DLGAP3: variants seen among roughly 807,000 people sequenced by gnomAD.
DLGAP3 encodes DLG associated protein 3, also known as disks large-associated protein 3.
Under a neutral mutation model 81.2 loss-of-function variants are expected in DLGAP3, and 17 were observed. That is an observed-to-expected ratio of 0.21 (90% CI 0.14 to 0.31). The LOEUF (loss-of-function observed/expected upper bound fraction) is 0.31. Among genes scored for constraint, DLGAP3 ranks in the 10% least tolerant of loss-of-function variants. The pLI is 1.00. For synonymous variants in DLGAP3, 577 were observed against 587.4 expected (o/e 0.98, Z 0.26); for missense variants, 1,124 against 1,388.0 (o/e 0.81, Z 3.02).
intron 5 of DLGAP3, among the ~76,000 whole-genome samples, chr1:34,893,889 C>G (rs1468143618): frequency 6.6e-6 from 1 of 152,096 alleles, no homozygotes; most frequent in Non-Finnish European, 1.5e-5. Flanking sequence ...CATCAATAAC[C>G]ACATTAAGAT....
chr1:34,866,716 G>T (rs1638886319), intron 11 of DLGAP3, among the ~76,000 whole-genome samples: 1 of 152,040 alleles, frequency 6.6e-6, no homozygotes, highest in Non-Finnish European at 1.5e-5. Context: ...CGATGCCTAG[G>T]CCCGAACTGA....
chr1:34,908,462 AG>A (rs1438903758), intron 1 of DLGAP3, among the ~76,000 whole-genome samples: 7 of 152,174 alleles, frequency 4.6e-5, no homozygotes, highest in Non-Finnish European at 1.0e-4. Context: ...GGGAATTCTA[AG>A]GGGTAGGCTC....
chr1:34,908,067 C>T (rs948440220), intron 1 of DLGAP3, among the ~76,000 whole-genome samples: 5 of 152,238 alleles, frequency 3.3e-5, no homozygotes, highest in Non-Finnish European at 7.3e-5. Flanking sequence ...CCCATGAAAG[C>T]AGCTATCACA....
chr1:34,905,132 C>T lies in DLGAP3; in HGVS notation c.252G>A (p.Gly84=), dbSNP rs763114897. ...ACATCCTGGGGAAGGTGCTGCTACC[C>T]CCCCCAACCCCGGCCCCCGCTGGCC... is the stretch of plus-strand genomic sequence containing the variant. ...EGGPAGAGVG[G]GSSTFPRMYP... Residue 84 remains glycine, a synonymous_variant, in exon 3 of 12, where the codon GGG becomes GGA. Coordinates refer to ENST00000373347, the MANE Select transcript of DLGAP3 (RefSeq NM_001080418.3). 13 of 1,571,346 alleles carry T rather than the reference C, an allele frequency of 8.3e-6. No individual in the cohort carries two copies. In the South Asian group the frequency reaches 9.3e-5, roughly 11 times the overall value.
chr1:34,914,727 T>C (rs1239877270), intron 1 of DLGAP3, among the ~76,000 whole-genome samples: 1 of 152,198 alleles, frequency 6.6e-6, no homozygotes, highest in East Asian at 1.9e-4. Flanking sequence ...TATTGCTAAC[T>C]AGGGAGAAAC....
intron 8 of DLGAP3, among the ~76,000 whole-genome samples, chr1:34,877,692 T>C (rs1408975918): frequency 6.6e-6 from 1 of 152,204 alleles, no homozygotes; most frequent in Non-Finnish European, 1.5e-5. Flanking sequence ...AAGATTCTTG[T>C]TTTGTGCCTA....
At chr1:34,879,075 A>T (rs949793807) in intron 8 of DLGAP3, among the ~76,000 whole-genome samples, 3 of 151,956 alleles carry the variant, frequency 2.0e-5, no homozygotes, top group Non-Finnish European at 4.4e-5. Flanking sequence ...GCCTCAAAAA[A>T]AAAAAAGAAA....
chr1:34,922,203 T>G (rs1569670073), intron 1 of DLGAP3, among the ~76,000 whole-genome samples: 1 of 152,208 alleles, frequency 6.6e-6, no homozygotes, highest in Admixed American at 6.5e-5. Context: ...CTTATAGGTT[T>G]TCCCTCCACA....
At chr1:34,924,519 T>C (rs540873596) in intron 1 of DLGAP3, among the ~76,000 whole-genome samples, 1 of 152,278 alleles carries the variant, frequency 6.6e-6, no homozygotes, top group Non-Finnish European at 1.5e-5. Context: ...AAGTTGTCAG[T>C]CAAGTTATCC....
At chr1:34,875,602 C>T (rs1157053426) in intron 8 of DLGAP3, among the ~76,000 whole-genome samples, 2 of 152,172 alleles carry the variant, frequency 1.3e-5, no homozygotes, top group Non-Finnish European at 2.9e-5. Flanking sequence ...AGGCAGATCC[C>T]TATGGTTAGA....
intron 11 of DLGAP3, among the ~76,000 whole-genome samples, chr1:34,866,796 C>T (rs1264570121): frequency 1.3e-5 from 2 of 152,222 alleles, no homozygotes; most frequent in Non-Finnish European, 2.9e-5. Context: ...CCCCCCAACC[C>T]CGCTCCCCCG....
intron 3 of DLGAP3, among the ~76,000 whole-genome samples, chr1:34,901,221 C>G (rs1427906490): frequency 6.6e-6 from 1 of 151,800 alleles, no homozygotes; most frequent in African/African-American, 2.4e-5. Flanking sequence ...AATGAGACAG[C>G]CCAGGGGAGA....
intron 5 of DLGAP3, among the ~76,000 whole-genome samples, chr1:34,897,975 A>G (rs1639402659): frequency 6.6e-6 from 1 of 152,182 alleles, no homozygotes; most frequent in Non-Finnish European, 1.5e-5. Flanking sequence ...CAGAGGATAG[A>G]GCAGCAACTG....
Position 34,868,514 on chromosome 1 carries a change from C to A in DLGAP3, c.2485+91G>T. 1 of 1,115,442 alleles carries A rather than the reference C, an allele frequency of 9.0e-7. No homozygotes were observed. The highest frequency in any genetic ancestry group is 1.4e-6 in the Non-Finnish European group (1 of 739,812). The allele number at this position is 1,115,442 out of a possible 1,614,324, so 69.1% of individuals were successfully genotyped here. On this transcript the variant is annotated intron_variant, in intron 9 of 11. Transcript: ENST00000373347. The surrounding 1 kb of genome is among the most constrained non-coding windows in gnomAD (Gnocchi z 7.5). ...CACCAACCGAAGGGGCCTCCTGTTACACTGCAGCCCCAGCCACCCCCATCA... is the reference window on the plus strand; with the variant it reads ...CACCAACCGAAGGGGCCTCCTGTTAAACTGCAGCCCCAGCCACCCCCATCA...
chr1:34,872,293 G>A (rs1287226831), intron 8 of DLGAP3, among the ~76,000 whole-genome samples: 6 of 152,180 alleles, frequency 3.9e-5, no homozygotes, highest in Non-Finnish European at 7.3e-5. Context: ...TGGAAGCCAC[G>A]GGTGATCCAA....
Position 34,905,368 on chromosome 1 carries a change from C to T in DLGAP3, c.16G>A (p.Gly6Ser), listed in dbSNP as rs1274918664. ...GGGCGGGGATGGCTGCCTCGGTCGC[C>T]ATGGTAACCCCTCATGGCCTCAGCA... Reference protein sequence around the residue: MRGYHGDRGSHPRPAR... With the variant: MRGYHSDRGSHPRPAR... Residue 6 changes from glycine to serine, a missense_variant, in exon 3 of 12, where the codon GGC (glycine) becomes AGC (serine). Physicochemically the swap from Gly to Ser is moderately conservative, Grantham distance 56. Around this residue, in one of 9 missense-constraint regions of DLGAP3, gnomAD observed 167 missense variants for 172.1 expected, o/e 0.97. Coordinates refer to ENST00000373347, the MANE Select transcript of DLGAP3 (RefSeq NM_001080418.3). 1 of 1,554,234 alleles carries T rather than the reference C, an allele frequency of 6.4e-7. No homozygotes were observed. The highest frequency in any genetic ancestry group is 8.7e-7 in the Non-Finnish European group (1 of 1,148,934).
intron 7 of DLGAP3, 143 bp from the exon 8 acceptor site, chr1:34,885,206 G>T (rs1468343239): frequency 1.1e-6 from 1 of 884,878 alleles, no homozygotes; most frequent in African/African-American, 1.7e-5. Context: ...GAGAGACCCA[G>T]GCGGTCGGTC....
chr1:34,888,229 T>A (rs983245379), intron 5 of DLGAP3, among the ~76,000 whole-genome samples: 2 of 152,230 alleles, frequency 1.3e-5, no homozygotes, highest in African/African-American at 4.8e-5. Context: ...TTTCCATAAT[T>A]CAGCCTCCAA....
chr1:34,925,898 C>A (rs923767755), intron 1 of DLGAP3, among the ~76,000 whole-genome samples: 1 of 152,166 alleles, frequency 6.6e-6, no homozygotes, highest in Non-Finnish European at 1.5e-5. Flanking sequence ...AAGATCAGAT[C>A]CCCACCCACA....
Sources: gnomAD v4.1 joint callset for allele counts (sites outside exome capture counted in the v4.1 genomes callset) on GRCh38, gnomAD v4.1.1 for gene constraint, gnomAD v4.1.1 regional missense constraint, Gnocchi (gnomAD v3.1) non-coding constraint, MANE v1.5 for transcripts, NCBI Gene and HGNC (gene_info 2026-07-23, HGNC 2026-07-21) for gene names.